The following STRN4 variants were observed in gnomAD, a reference collection of about 807,000 sequenced individuals.
STRN4 encodes striatin-4.
STRN4 carries 27 observed loss-of-function variants against 77.9 expected under a neutral mutation model. The observed-to-expected ratio is 0.35, with a 90% CI of 0.26 to 0.48. The LOEUF is 0.48. Among genes scored for constraint, STRN4 ranks in the 20% least tolerant of loss-of-function variants. The pLI is 0.99. For synonymous variants in STRN4, 466 were observed against 443.1 expected (o/e 1.05, Z -0.65); for missense variants, 798 against 1,049.7 (o/e 0.76, Z 3.31).
At position 46,728,847 on chromosome 19, in the gene STRN4, G is replaced by A; in HGVS notation, c.880-70C>T. 8 of 1,583,336 alleles carry A rather than the reference G, an allele frequency of 5.1e-6. No homozygotes were observed. In the South Asian group the frequency reaches 9.1e-5, roughly 18 times the overall value. ...AGAGACTAAGCCACCTCCGTGCCTA[G>A]GAACAGGTAAGCCGGGGCTCTGGGC... On this transcript the variant is annotated intron_variant, in intron 6 of 17. Coordinates refer to ENST00000263280, the MANE Select transcript of STRN4 (RefSeq NM_013403.3).
intron 4 of STRN4, among the ~76,000 whole-genome samples, chr19:46,734,640 AATT>A (rs1187266740): frequency 6.6e-5 from 10 of 152,170 alleles, no homozygotes; most frequent in Non-Finnish European, 1.5e-4. Flanking sequence ...CAACATAACT[AATT>A]AATATGGAGA....
rs371207504 is a variant in STRN4, at chr19:46,736,827, G to T, written c.535C>A (p.Arg179=). The T allele has an allele frequency of 1.3e-5, 21 of 1,610,556 alleles. No individual in the cohort carries two copies. Residue 179 remains arginine, a synonymous_variant, in exon 4 of 18, where the codon CGA becomes AGA. Transcript: ENST00000263280. ...CCCCTCCCCGAGCACACTCACTGTCGGAGAAGCTGCCGCCCCTCCTTCCAC... is the reference window on the plus strand; with the variant it reads ...CCCCTCCCCGAGCACACTCACTGTCTGAGAAGCTGCCGCCCCTCCTTCCAC... ...LVWKEGRQLL[R]QYLEEVGYTD...
Position 46,738,855 on chromosome 19 carries a change from C to T in STRN4, c.316G>A (p.Gly106Arg). The T allele has an allele frequency of 6.2e-7, 1 of 1,614,140 alleles. No individual in the cohort carries two copies. The highest frequency in any genetic ancestry group is 8.5e-7 in the Non-Finnish European group (1 of 1,180,022). Reference sequence around the variant, plus strand: ...AGGTCCGTCTTTAGATTCTCCTGCCCTTTCCTCTCTCCCTGAAGGAAGGCC... The same window carrying T: ...AGGTCCGTCTTTAGATTCTCCTGCCTTTTCCTCTCTCCCTGAAGGAAGGCC... The part of the protein sequence containing the change: ...QVAFLQGERK[G>R]QENLKTDLVR... Residue 106 changes from glycine (G) to arginine (R), a missense_variant, in exon 2 of 18, where the codon GGG becomes AGG. Physicochemically the swap from Gly to Arg is moderately radical, Grantham distance 125 (BLOSUM62 -2). Around this residue, in one of 2 missense-constraint regions of STRN4, gnomAD observed 511 missense variants for 575.9 expected, o/e 0.89. Transcript: ENST00000263280. The surrounding 1 kb of genome is among the most constrained non-coding windows in gnomAD (Gnocchi z 4.5).
In STRN4 at chr19:46,733,116, G is replaced by A; in HGVS notation, c.660C>T (p.Pro220=). The A allele has an allele frequency of 6.2e-7, 1 of 1,613,014 alleles. No homozygotes were observed. The highest frequency in any genetic ancestry group is 8.5e-7 in the Non-Finnish European group (1 of 1,179,944). ...GCCCTGCAGGGCCTGGTGGAGCCCT[G>A]GGGGCCCCTTCACTCGGCTCCACTG... ...NGAVEPSEGA[P]RAPPGPAGLS... Residue 220 remains proline, a synonymous_variant, in exon 5 of 18, where the codon CCC becomes CCT. Transcript: ENST00000263280. This position sits in a 1 kb window ranked among gnomAD's most constrained non-coding sequence, Gnocchi z 4.3.
intron 5 of STRN4, 191 bp downstream of exon 5, chr19:46,732,848 G>T: frequency 1.5e-6 from 1 of 666,366 alleles, no homozygotes. Context: ...GTGTGTGGAG[G>T]GAACCCAGGA....
chr19:46,733,779 G>A lies in STRN4; in HGVS notation c.540-543C>T, dbSNP rs1406013877. On this transcript the variant is annotated intron_variant, in intron 4 of 17. Coordinates refer to ENST00000263280, the MANE Select transcript of STRN4 (RefSeq NM_013403.3). This position sits in a 1 kb window ranked among gnomAD's most constrained non-coding sequence, Gnocchi z 4.3. ...AGTGACCTCTGGAGAATGGGATTAG[G>A]GGCGTAAGAGGAACTTTTGCAACTT... 1.3e-5 allele frequency: 2 copies of A among 152,478 alleles called. No homozygotes were observed. Among genetic ancestry groups the A allele is most frequent in the Non-Finnish European group, 2.9e-5 (2 of 68,222 alleles). The allele number at this position is 152,478 out of a possible 1,614,324, so 9.4% of individuals were successfully genotyped here.
rs313846 is a variant in STRN4, at chr19:46,729,887, A to T, written c.879+845T>A. 3.0e-3 allele frequency among the ~76,000 whole-genome samples: 457 copies of T among 152,312 alleles called. 1 individual carries two copies. The highest frequency in any genetic ancestry group is 0.01 in the African/African-American group (419 of 41,572). ...AAGCCAAGACAAAGAAGTGTGGGCCAGAACTCACGCAGCTGGGCCAGGGCC... is the reference window on the plus strand; with the variant it reads ...AAGCCAAGACAAAGAAGTGTGGGCCTGAACTCACGCAGCTGGGCCAGGGCC... On this transcript the variant is annotated intron_variant, in intron 6 of 17. Transcript: ENST00000263280.
chr19:46,725,092 C>T (rs761261425), intron 11 of STRN4, among the ~76,000 whole-genome samples, 164 bp from the exon 12 acceptor site: 1 of 151,944 alleles, frequency 6.6e-6, no homozygotes, highest in Non-Finnish European at 1.5e-5. Flanking sequence ...CCCCTGCCCT[C>T]CCCCACCCCA....
At chr19:46,745,135 T>C (rs1281101256) in intron 1 of STRN4, among the ~76,000 whole-genome samples, 1 of 149,922 alleles carries the variant, frequency 6.7e-6, no homozygotes, top group African/African-American at 2.5e-5. Flanking sequence ...CCCTAACTCG[T>C]CCTCATTGGC....
At position 46,720,323 on chromosome 19, in the gene STRN4, C is replaced by G. The variant is rs778993460; in HGVS notation, c.*82G>C. The G allele has an allele frequency of 3.0e-6, 1 of 330,562 alleles. No homozygotes were observed. Among genetic ancestry groups the G allele is most frequent in the Non-Finnish European group, 5.5e-6 (1 of 182,116 alleles). 20.5% of individuals were successfully genotyped at this position (330,562 alleles called of 1,614,324 possible). A position where few individuals can be genotyped will look rare whatever the true frequency, so the allele number is the denominator to read the frequency against. On this transcript the variant is annotated 3_prime_UTR_variant, in exon 18 of 18. Transcript: ENST00000263280. ...AGAGGCCAGGCCTCTGCACCTCCAG[C>G]GAGGCTGGGAGTCCCCTGCGGGAAA...
In STRN4 at chr19:46,741,775, G is replaced by A. The variant is rs972333275; in HGVS notation, c.283-2887C>T. Among the ~76,000 whole-genome samples the A allele has an allele frequency of 3.9e-5, 6 of 152,242 alleles. No homozygotes were observed. Among genetic ancestry groups the A allele is most frequent in the African/African-American group, 1.4e-4 (6 of 41,468 alleles). On this transcript the variant is annotated intron_variant, in intron 1 of 17. Coordinates refer to ENST00000263280, the MANE Select transcript of STRN4 (RefSeq NM_013403.3). The surrounding 1 kb of genome is among the most constrained non-coding windows in gnomAD (Gnocchi z 4.9). ...TCCCAGCAATTCAGTCCTCCCAGGAGCTGATGCCTCTCTGAATTCGCTGCT... is the reference window on the plus strand; with the variant it reads ...TCCCAGCAATTCAGTCCTCCCAGGAACTGATGCCTCTCTGAATTCGCTGCT...
At position 46,723,259 on chromosome 19, in the gene STRN4, C is replaced by T; in HGVS notation, c.1620G>A (p.Leu540=). The T allele has an allele frequency of 6.5e-7, 1 of 1,549,136 alleles. No individual in the cohort carries two copies. The highest frequency in any genetic ancestry group is 8.7e-7 in the Non-Finnish European group (1 of 1,147,940). Reference sequence around the variant, plus strand: ...CCCACACGGCGTCCCCGTGGCCCTCCAGGACGTGGCTCAGCACGCTTGGGT... The same window carrying T: ...CCCACACGGCGTCCCCGTGGCCCTCTAGGACGTGGCTCAGCACGCTTGGGT... ...GYDPSVLSHV[L]EGHGDAVWGL... The change falls in exon 13 of 18, where the codon CTG becomes CTA. Residue 540 remains leucine, a synonymous_variant. Transcript: ENST00000263280. The surrounding 1 kb of genome is among the most constrained non-coding windows in gnomAD (Gnocchi z 5.5).
Position 46,723,323 on chromosome 19 carries a change from C to A in STRN4, c.1595-39G>T, listed in dbSNP as rs1446985524. On this transcript the variant is annotated intron_variant, in intron 12 of 17. Coordinates refer to ENST00000263280, the MANE Select transcript of STRN4 (RefSeq NM_013403.3). This position sits in a 1 kb window ranked among gnomAD's most constrained non-coding sequence, Gnocchi z 5.5. ...AGGGAGGAAATGGGCTGTGTCAGGG[C>A]TGCCAGCTCCTCCCTGGACAGCCCA... 4 of 1,512,730 alleles carry A rather than the reference C, an allele frequency of 2.6e-6. No individual in the cohort carries two copies. The highest frequency in any genetic ancestry group is 1.4e-5 in the African/African-American group (1 of 72,568). The allele number at this position is 1,512,730 out of a possible 1,614,324, so 93.7% of individuals were successfully genotyped here.
chr19:46,736,799 GC>G, intron 4 of STRN4, 23 bp downstream of exon 4: 1 of 1,609,506 alleles, frequency 6.2e-7, no homozygotes, highest in South Asian at 1.1e-5. Flanking sequence ...CGTGTCCCCA[GC>G]CCCCCTCCCC....
intron 1 of STRN4, 158 bp downstream of exon 1, chr19:46,745,991 G>T: frequency 1.1e-6 from 1 of 946,970 alleles, no homozygotes; most frequent in Non-Finnish European, 1.4e-6. Context: ...CCCTCGGACG[G>T]CCCCTCACTC....
Position 46,746,211 on chromosome 19 carries a change from G to A in STRN4, c.220C>T (p.His74Tyr). Reference protein sequence around the residue: ...SLPGILHFIQHEWARFEAEKA... With the variant: ...SLPGILHFIQYEWARFEAEKA... ...TCGGCTTCGAAGCGCGCCCACTCGT[G>A]CTGGATAAAGTGCAGGATCCCCGGC... The change falls in exon 1 of 18, where the codon CAC (histidine) becomes TAC (tyrosine). Residue 74 changes from histidine to tyrosine, a missense_variant. Physicochemically the swap from His to Tyr is moderately conservative, Grantham distance 83 (BLOSUM62 2). This residue lies in a region of STRN4 where 511 missense variants were observed against 575.9 expected (regional missense o/e 0.89). Transcript: ENST00000263280. 3 of 1,538,984 alleles carry A rather than the reference G, an allele frequency of 1.9e-6. No individual in the cohort carries two copies. The highest frequency in any genetic ancestry group is 2.6e-6 in the Non-Finnish European group (3 of 1,151,402).
intron 6 of STRN4, chr19:46,728,982 T>C: frequency 1.7e-6 from 1 of 588,178 alleles, no homozygotes; most frequent in Non-Finnish European, 2.9e-6. Flanking sequence ...GACCCCACCC[T>C]CACGCAGTCC....
chr19:46,746,422 CT>C lies in STRN4; in HGVS notation c.8del (p.Glu3GlyfsTer61). The C allele has an allele frequency of 9.7e-7, 1 of 1,033,124 alleles. No homozygotes were observed. The highest frequency in any genetic ancestry group is 1.2e-6 in the Non-Finnish European group (1 of 863,810). 64.0% of individuals were successfully genotyped at this position (1,033,124 alleles called of 1,614,324 possible). A position where few individuals can be genotyped will look rare whatever the true frequency, so the allele number is the denominator to read the frequency against. On this transcript the variant is annotated frameshift_variant, in exon 1 of 18. Transcript: ENST00000263280. LOFTEE classifies it high-confidence loss of function. MM[E>X]ERAAAAVAAA... ...CGGCGACCGCGGCGGCCGCTCGCTC[CT>C]CCATCATGGAGGCCCCGGGGCCGGC...
At chr19:46,722,727 CA>C in intron 14 of STRN4, 82 bp downstream of exon 14, 1 of 1,575,878 alleles carries the variant, frequency 6.3e-7, no homozygotes, top group Non-Finnish European at 8.6e-7. Flanking sequence ...AGCTGACTGA[CA>C]AGGGGTCGCC....
Sources: allele counts gnomAD v4.1 joint callset (sites outside exome capture counted in the v4.1 genomes callset), GRCh38; gene constraint gnomAD v4.1.1; regional missense constraint gnomAD v4.1.1; non-coding constraint Gnocchi (gnomAD v3.1); transcripts MANE v1.5; gene names NCBI Gene and HGNC (gene_info 2026-07-23, HGNC 2026-07-21).